The following LIPI variants were observed in gnomAD, a reference collection of about 807,000 sequenced individuals.
LIPI encodes the protein lipase member I.
LIPI carries 59 observed loss-of-function variants against 50.6 expected under a neutral mutation model. The ratio of observed to expected loss-of-function variants is 1.16; its 90% confidence interval spans 0.94 to 1.45. The LOEUF is 1.45. Among genes scored for constraint, LIPI ranks in the 40% most tolerant of loss-of-function variants. LIPI has a pLI of 0.00. For missense variants in LIPI, 586 were observed against 536.3 expected, an observed-to-expected ratio of 1.09 and a Z score of -0.92; for synonymous variants, 203 against 178.2, an observed-to-expected ratio of 1.14 and a Z score of -1.11.
chr21:14,117,050 A>G (rs532151594), intron 9 of LIPI, among the ~76,000 whole-genome samples: 1 of 152,170 alleles, frequency 6.6e-6, no homozygotes, highest in South Asian at 2.1e-4. Context: ...AGCCAGGCCC[A>G]CTGCTTGATA....
At chr21:14,190,186 T>C (rs1256040185) in intron 1 of LIPI, among the ~76,000 whole-genome samples, 1 of 152,148 alleles carries the variant, frequency 6.6e-6, no homozygotes, top group Admixed American at 6.5e-5. Flanking sequence ...TACTTATCTA[T>C]CTACCCTAGA....
rs561416790 is a variant in LIPI at position 14,185,841 on chromosome 21, C to CTGCAG, written c.541+119_541+120insCTGCA. 179 of 639,480 alleles carry CTGCAG rather than the reference C, an allele frequency of 2.8e-4. 5 individuals carry two copies. In the South Asian group the frequency reaches 3.1e-3, roughly 11 times the overall value. The allele number at this position is 639,480 out of a possible 1,614,324, so 39.6% of individuals were successfully genotyped here. ...GAGGTTGCAGTGAGCCGAGATCGCA[C>CTGCAG]CACTGCACTGCAGCCTGGGCAACAG... On this transcript the variant is annotated intron_variant, in intron 3 of 9. Coordinates refer to ENST00000681601, the MANE Select transcript of LIPI (RefSeq NM_001302998.2).
At chr21:14,149,418 T>C (rs1266910246) in intron 8 of LIPI, among the ~76,000 whole-genome samples, 1 of 151,914 alleles carries the variant, frequency 6.6e-6, no homozygotes, top group Non-Finnish European at 1.5e-5. Context: ...GAACACAGAG[T>C]TAAACCAAAT....
intron 9 of LIPI, among the ~76,000 whole-genome samples, chr21:14,134,468 G>A (rs2017416571): frequency 6.6e-6 from 1 of 152,098 alleles, no homozygotes; most frequent in Non-Finnish European, 1.5e-5. Flanking sequence ...AATCAGAAGA[G>A]AGCCCAAATA....
chr21:14,148,858 T>C (rs956591086), intron 8 of LIPI, among the ~76,000 whole-genome samples: 7 of 152,230 alleles, frequency 4.6e-5, no homozygotes, highest in Non-Finnish European at 7.4e-5. Context: ...TGCGTATATG[T>C]TCCTGTATTT....
chr21:14,190,638 G>A (rs2019637676), intron 1 of LIPI, among the ~76,000 whole-genome samples: 2 of 152,130 alleles, frequency 1.3e-5, no homozygotes, highest in South Asian at 4.1e-4. Flanking sequence ...AGGCAATGAA[G>A]GAGAAGCAAG....
At chr21:14,165,542 A>G in intron 5 of LIPI, 152 bp from the exon 6 acceptor site, 1 of 604,158 alleles carries the variant, frequency 1.7e-6, no homozygotes, top group Non-Finnish European at 2.9e-6. Flanking sequence ...AAACCACTAA[A>G]CAAATAGTAC....
chr21:14,164,434 C>A (rs1050608686), intron 6 of LIPI, among the ~76,000 whole-genome samples: 5 of 152,044 alleles, frequency 3.3e-5, no homozygotes, highest in African/African-American at 4.8e-5. Flanking sequence ...CAGTGCATAC[C>A]CCTCCTAGGG....
Position 14,135,654 on chromosome 21 carries a change from C to A in LIPI, c.1295+8969G>T, listed in dbSNP as rs549205487. Among the ~76,000 whole-genome samples the A allele has an allele frequency of 3.9e-5, 6 of 152,282 alleles. No individual in the cohort carries two copies. The East Asian group carries it at 1.2e-3, about 29-fold the overall frequency. On this transcript the variant is annotated intron_variant, in intron 9 of 9. Transcript: ENST00000681601. ...GAATCAGCAATCCCAGTAGCCTAAA[C>A]TTTAGTGTCAAGAAACCTGGCCACT...
At chr21:14,207,165 T>C (rs1568889167) in intron 1 of LIPI, among the ~76,000 whole-genome samples, 1 of 152,172 alleles carries the variant, frequency 6.6e-6, no homozygotes, top group East Asian at 1.9e-4. Context: ...AATTATGTAG[T>C]TGTGAAGCAA....
chr21:14,208,842 A>G (rs2020292142), intron 1 of LIPI, among the ~76,000 whole-genome samples: 1 of 152,204 alleles, frequency 6.6e-6, no homozygotes, highest in Admixed American at 6.5e-5. Context: ...ACTTGAGCCC[A>G]AGAGTTGGAG....
At chr21:14,156,290 A>T in intron 7 of LIPI, among the ~76,000 whole-genome samples, 1 of 151,924 alleles carries the variant, frequency 6.6e-6, no homozygotes, top group Non-Finnish European at 1.5e-5. Flanking sequence ...CAATGTAATC[A>T]CAAGGGGCCT....
At chr21:14,203,230 T>C (rs1332819332) in intron 1 of LIPI, among the ~76,000 whole-genome samples, 6 of 151,948 alleles carry the variant, frequency 3.9e-5, no homozygotes, top group Non-Finnish European at 8.8e-5. Flanking sequence ...TTTTACACTG[T>C]TGGTGGGACT....
chr21:14,209,393 G>A (rs184672212), intron 1 of LIPI, among the ~76,000 whole-genome samples: 78 of 152,266 alleles, frequency 5.1e-4, no homozygotes, highest in Admixed American at 1.0e-3. Context: ...TAGTGGAGAA[G>A]AAAGGAGCAT....
At chr21:14,183,395 C>T (rs375804041) in intron 3 of LIPI, among the ~76,000 whole-genome samples, 9 of 152,130 alleles carry the variant, frequency 5.9e-5, no homozygotes, top group South Asian at 2.1e-4. Context: ...TAGGCAATAC[C>T]ATTCAGGACA....
At chr21:14,127,657 G>A (rs1002417115) in intron 9 of LIPI, among the ~76,000 whole-genome samples, 14 of 152,222 alleles carry the variant, frequency 9.2e-5, no homozygotes, top group African/African-American at 3.1e-4. Flanking sequence ...AAGACAGTGA[G>A]ATAAATAAAA....
At chr21:14,153,503 C>A (rs2018170886) in intron 7 of LIPI, among the ~76,000 whole-genome samples, 1 of 152,144 alleles carries the variant, frequency 6.6e-6, no homozygotes, top group Non-Finnish European at 1.5e-5. Context: ...ACAGATTAAG[C>A]CACCCTCCCA....
rs1294974135 is a variant in LIPI at position 14,165,150 on chromosome 21, C to A, written c.901+73G>T. 3 of 1,191,412 alleles carry A rather than the reference C, an allele frequency of 2.5e-6. No homozygotes were observed. The African/African-American group carries it at 4.6e-5, about 18-fold the overall frequency. The allele number at this position is 1,191,412 out of a possible 1,614,324, so 73.8% of individuals were successfully genotyped here. On this transcript the variant is annotated intron_variant, in intron 6 of 9. Transcript: ENST00000681601. ...GTAAACAGAGTGCACAGTTTAGCTT[C>A]CAGCAGAAAATACTAACAATTATGT...
intron 6 of LIPI, among the ~76,000 whole-genome samples, 175 bp from the exon 7 acceptor site, chr21:14,163,698 C>A (rs2018575537): frequency 7.2e-6 from 1 of 138,898 alleles, no homozygotes; most frequent in African/African-American, 2.6e-5. Flanking sequence ...ATTTTAATTA[C>A]AATAACAACT....
Sources: gnomAD v4.1 joint callset for allele counts (sites outside exome capture counted in the v4.1 genomes callset) on GRCh38, gnomAD v4.1.1 for gene constraint, MANE v1.5 for transcripts, NCBI Gene and HGNC (gene_info 2026-07-23, HGNC 2026-07-21) for gene names.